The following SNAPC3 variants were observed in gnomAD, a reference collection of about 807,000 sequenced individuals.
SNAPC3 encodes small nuclear RNA activating complex polypeptide 3.
SNAPC3 carries 56 observed loss-of-function variants against 47.7 expected under a neutral mutation model. The ratio of observed to expected loss-of-function variants is 1.18; its 90% confidence interval spans 0.95 to 1.47. The LOEUF is 1.47. SNAPC3 is among the 40% of genes most tolerant of loss of function. The pLI is 0.00. For missense variants in SNAPC3, 665 were observed against 511.3 expected (o/e 1.30, Z -2.90); for synonymous variants, 235 against 189.9 (o/e 1.24, Z -1.95).
chr9:15,435,639 C>G (rs1253272596), intron 3 of SNAPC3, among the ~76,000 whole-genome samples: 1 of 149,538 alleles, frequency 6.7e-6, no homozygotes, highest in East Asian at 2.0e-4. Context: ...GCTGGCAGGA[C>G]AATCACTAGA....
At chr9:15,436,828 T>G (rs2032853075) in intron 3 of SNAPC3, among the ~76,000 whole-genome samples, 1 of 150,156 alleles carries the variant, frequency 6.7e-6, no homozygotes, top group Admixed American at 6.6e-5. Context: ...CAGTTTTTTT[T>G]TTTTTTTTTT....
Position 15,422,939 on chromosome 9 carries a change from A to G in SNAPC3, c.60A>G (p.Pro20=). 2.0e-6 allele frequency: 3 copies of G among 1,536,050 alleles called. No homozygotes were observed. Among genetic ancestry groups the G allele is most frequent in the Non-Finnish European group, 2.6e-6 (3 of 1,145,288 alleles). Residue 20 remains proline, a synonymous_variant, in exon 1 of 9, where the codon CCA becomes CCG. Transcript: ENST00000380821. ...GCGGGGTGGGTGGCAGGCAGGACCC[A>G]GTCTCCGGCAGTGGCGGCTGCAACT... The part of the protein sequence containing the change: ...TCSGVGGRQD[P]VSGSGGCNFP...
chr9:15,453,657 T>C (rs527290547), intron 7 of SNAPC3: 1 of 153,252 alleles, frequency 6.5e-6, no homozygotes, highest in South Asian at 2.1e-4. Context: ...AAGATTTAAA[T>C]TGGGAAGGAG....
chr9:15,452,875 C>A (rs1422978591), intron 6 of SNAPC3, among the ~76,000 whole-genome samples, 166 bp from the exon 7 acceptor site: 1 of 152,192 alleles, frequency 6.6e-6, no homozygotes, highest in Admixed American at 6.5e-5. Flanking sequence ...ATTCAGCGTT[C>A]CTAATCTCAA....
At chr9:15,441,755 C>T (rs1387787194) in intron 3 of SNAPC3, among the ~76,000 whole-genome samples, 1 of 152,208 alleles carries the variant, frequency 6.6e-6, no homozygotes, top group South Asian at 2.1e-4. Flanking sequence ...AAGAATTTTT[C>T]TTAGTACAGA....
In SNAPC3 at chr9:15,459,761, C is replaced by G. The variant is rs775354857; in HGVS notation, c.1131C>G (p.Cys377Trp). The G allele has an allele frequency of 6.2e-6, 10 of 1,613,480 alleles. No individual in the cohort carries two copies. The highest frequency in any genetic ancestry group is 8.5e-6 in the Non-Finnish European group (10 of 1,179,748). The change falls in exon 9 of 9, where the codon TGC becomes TGG. Residue 377 changes from cysteine to tryptophan, a missense_variant. Physicochemically the swap from Cys to Trp is radical, Grantham distance 215. Transcript: ENST00000380821. ...NNDSFAPEDP[C>W]FFCDVCFRML... ...ACAGTTTTGCACCAGAGGACCCATG[C>G]TTCTTTTGTGATGTTTGCTTCCGAA...
chr9:15,429,286 C>T (rs2031843560), intron 2 of SNAPC3, among the ~76,000 whole-genome samples: 1 of 151,874 alleles, frequency 6.6e-6, no homozygotes, highest in Admixed American at 6.6e-5. Context: ...AAAGAGTTTT[C>T]GACATAACGA....
intron 2 of SNAPC3, among the ~76,000 whole-genome samples, chr9:15,431,096 G>T (rs2032084877): frequency 6.6e-6 from 1 of 152,178 alleles, no homozygotes; most frequent in Non-Finnish European, 1.5e-5. Flanking sequence ...GCAGGATCCT[G>T]CAGTGCACAC....
intron 4 of SNAPC3, among the ~76,000 whole-genome samples, chr9:15,444,908 A>G (rs1338282300): frequency 1.3e-5 from 2 of 152,190 alleles, no homozygotes; most frequent in Non-Finnish European, 2.9e-5. Flanking sequence ...CCTGGGTAAC[A>G]CAGTGAGACC....
chr9:15,426,557 CT>C (rs1257452720), intron 2 of SNAPC3, among the ~76,000 whole-genome samples: 1 of 152,112 alleles, frequency 6.6e-6, no homozygotes, highest in East Asian at 1.9e-4. Context: ...ATAAATGAAA[CT>C]TTCAGAAGAC....
Position 15,444,512 on chromosome 9 carries a change from G to A in SNAPC3, c.478-90G>A, listed in dbSNP as rs756944710. On this transcript the variant is annotated intron_variant, in intron 3 of 8. Transcript: ENST00000380821. Reference sequence around the variant, plus strand: ...TTAGGTGTCAAACCCAAGGCTGCTTGACTCGATCCCTTGCTGATAGCCATT... The same window carrying A: ...TTAGGTGTCAAACCCAAGGCTGCTTAACTCGATCCCTTGCTGATAGCCATT... The A allele has an allele frequency of 2.1e-5, 16 of 765,420 alleles. No individual in the cohort carries two copies. The South Asian group carries it at 2.3e-4, about 11-fold the overall frequency. 47.4% of individuals were successfully genotyped at this position (765,420 alleles called of 1,614,324 possible).
intron 2 of SNAPC3, among the ~76,000 whole-genome samples, chr9:15,432,579 G>C (rs1282257782): frequency 2.0e-5 from 3 of 152,090 alleles, no homozygotes; most frequent in African/African-American, 7.2e-5. Flanking sequence ...AAGAACGGGA[G>C]CTCCTAATGA....
rs747072653 is a variant in SNAPC3, at chr9:15,459,750, G to T, written c.1120G>T (p.Glu374Ter). ...GACGAACAATGACAGTTTTGCACCA[G>T]AGGACCCATGCTTCTTTTGTGATGT... Reference protein sequence around the residue: ...WVTNNDSFAPEDPCFFCDVCF... With the variant: ...WVTNNDSFAP The change falls in exon 9 of 9, where the codon GAG (glutamate) becomes TAG (stop). Residue 374 changes from glutamate (E) to a stop codon, truncating the protein, a stop_gained. Transcript: ENST00000380821. LOFTEE classifies it high-confidence loss of function. 1 of 1,613,524 alleles carries T rather than the reference G, an allele frequency of 6.2e-7. No individual in the cohort carries two copies. Among genetic ancestry groups the T allele is most frequent in the African/African-American group, 1.3e-5 (1 of 74,900 alleles).
chr9:15,450,795 A>T (rs1259223770), intron 5 of SNAPC3, among the ~76,000 whole-genome samples: 1 of 152,198 alleles, frequency 6.6e-6, no homozygotes, highest in Non-Finnish European at 1.5e-5. Flanking sequence ...TTTGACGGAC[A>T]CTGTGGTAGA....
intron 3 of SNAPC3, among the ~76,000 whole-genome samples, chr9:15,443,371 C>G (rs2033665173): frequency 6.6e-6 from 1 of 152,134 alleles, no homozygotes; most frequent in African/African-American, 2.4e-5. Flanking sequence ...GTTGTCCATA[C>G]TTTCCTCTTT....
downstream of SNAPC3, among the ~76,000 whole-genome samples, chr9:15,466,161 T>C (rs1027138836): frequency 6.6e-6 from 1 of 152,174 alleles, no homozygotes; most frequent in Non-Finnish European, 1.5e-5. Flanking sequence ...GTGGATCACC[T>C]GAGGTCAGGA....
In SNAPC3 at chr9:15,444,535, A is replaced by G. The variant is rs1052421644; in HGVS notation, c.478-67A>G. ...TTGACTCGATCCCTTGCTGATAGCC[A>G]TTGTACCACACTGCATCTTATCTGA... On this transcript the variant is annotated intron_variant, in intron 3 of 8. Coordinates refer to ENST00000380821, the MANE Select transcript of SNAPC3 (RefSeq NM_001039697.2). The G allele has an allele frequency of 6.1e-6, 6 of 991,516 alleles. No homozygotes were observed. In the African/African-American group the frequency reaches 6.5e-5, roughly 11 times the overall value. The allele number at this position is 991,516 out of a possible 1,614,324, so 61.4% of individuals were successfully genotyped here. A position where few individuals can be genotyped will look rare whatever the true frequency, so the allele number is the denominator to read the frequency against.
At chr9:15,457,428 C>T (rs1232560688) in intron 7 of SNAPC3, among the ~76,000 whole-genome samples, 1 of 151,982 alleles carries the variant, frequency 6.6e-6, no homozygotes, top group Non-Finnish European at 1.5e-5. Flanking sequence ...GACCGTGTCT[C>T]TACAAAAACT....
At chr9:15,425,068 A>C (rs1172222153) in intron 2 of SNAPC3, among the ~76,000 whole-genome samples, 1 of 152,168 alleles carries the variant, frequency 6.6e-6, no homozygotes, top group African/African-American at 2.4e-5. Context: ...ATATGGAAAA[A>C]TTTCAAACTC....
Sources: allele counts gnomAD v4.1 joint callset (sites outside exome capture counted in the v4.1 genomes callset), GRCh38; gene constraint gnomAD v4.1.1; transcripts MANE v1.5; gene names NCBI Gene and HGNC (gene_info 2026-07-23, HGNC 2026-07-21).